The following CSGALNACT1 variants were observed in gnomAD, a reference collection of about 807,000 sequenced individuals.
CSGALNACT1 encodes the protein chondroitin sulfate N-acetylgalactosaminyltransferase 1.
Under a neutral mutation model 51.0 loss-of-function variants are expected in CSGALNACT1, and 52 were observed. The ratio of observed to expected loss-of-function variants is 1.02; its 90% CI spans 0.82 to 1.29. The LOEUF is 1.29. Among genes scored for constraint, CSGALNACT1 ranks in the 50% most tolerant of loss-of-function variants. CSGALNACT1 has a pLI of 0.00. For synonymous variants in CSGALNACT1, 341 were observed against 254.4 expected, an observed-to-expected ratio of 1.34 and a Z score of -3.24; for missense variants, 935 against 679.2, an observed-to-expected ratio of 1.38 and a Z score of -4.19.
chr8:19,532,665 C>T (rs2082996477), intron 3 of CSGALNACT1, among the ~76,000 whole-genome samples: 1 of 152,174 alleles, frequency 6.6e-6, no homozygotes, highest in African/African-American at 2.4e-5. Context: ...TTGGCTCCTA[C>T]CATATTCCAG....
At chr8:19,563,089 A>AT (rs1394902349) in intron 3 of CSGALNACT1, among the ~76,000 whole-genome samples, 1 of 152,226 alleles carries the variant, frequency 6.6e-6, no homozygotes, top group Non-Finnish European at 1.5e-5. Context: ...ATGGAATACT[A>AT]TGCAGCCATA....
At chr8:19,450,066 G>A (rs1438420838) in intron 5 of CSGALNACT1, among the ~76,000 whole-genome samples, 1 of 109,506 alleles carries the variant, frequency 9.1e-6, no homozygotes, top group African/African-American at 3.5e-5. Context: ...GAAGAAAGAA[G>A]AAAGAGGGGG....
intron 1 of CSGALNACT1, among the ~76,000 whole-genome samples, chr8:19,647,330 T>A (rs185858762): frequency 1.4e-4 from 22 of 152,270 alleles, no homozygotes; most frequent in African/African-American, 4.8e-4. Flanking sequence ...AGCAAGAAGA[T>A]CACTTGAGGT....
At chr8:19,451,014 G>A (rs2063097963) in intron 5 of CSGALNACT1, among the ~76,000 whole-genome samples, 1 of 152,142 alleles carries the variant, frequency 6.6e-6, no homozygotes, top group Non-Finnish European at 1.5e-5. Flanking sequence ...CTATCAAGGG[G>A]TGCAGTGGGG....
At chr8:19,554,644 G>A (rs2089228464) in intron 3 of CSGALNACT1, among the ~76,000 whole-genome samples, 1 of 113,700 alleles carries the variant, frequency 8.8e-6, no homozygotes, top group Non-Finnish European at 1.8e-5. Context: ...TAGGCTGGAT[G>A]CAGTGGCTCA....
chr8:19,487,976 GAC>G (rs78486125), intron 4 of CSGALNACT1, among the ~76,000 whole-genome samples: 4,646 of 152,132 alleles, frequency 0.031, 120 homozygotes, highest in East Asian at 0.12. Flanking sequence ...CCTCCCAAGA[GAC>G]ACCCTCTCAC....
chr8:19,562,990 C>G (rs931910688), intron 3 of CSGALNACT1, among the ~76,000 whole-genome samples: 1 of 152,146 alleles, frequency 6.6e-6, no homozygotes, highest in Non-Finnish European at 1.5e-5. Context: ...ATGTTCATTA[C>G]AGTACTATTC....
At chr8:19,636,388 A>G (rs1406144231) in intron 1 of CSGALNACT1, among the ~76,000 whole-genome samples, 3 of 152,196 alleles carry the variant, frequency 2.0e-5, no homozygotes, top group Non-Finnish European at 4.4e-5. Context: ...GCATCCAATG[A>G]GAATCTGGGA....
chr8:19,551,761 T>G (rs2088174663), intron 3 of CSGALNACT1, among the ~76,000 whole-genome samples: 1 of 152,196 alleles, frequency 6.6e-6, no homozygotes, highest in Admixed American at 6.5e-5. Flanking sequence ...CAAAAATTTG[T>G]TGACATTCTC....
intron 1 of CSGALNACT1, among the ~76,000 whole-genome samples, chr8:19,747,974 CA>C (rs2064785795): frequency 6.6e-6 from 1 of 152,126 alleles, no homozygotes; most frequent in Admixed American, 6.5e-5. Flanking sequence ...ACTTGGAGGT[CA>C]TAGGTATATC....
Position 19,480,574 on chromosome 8 carries a change from A to G in CSGALNACT1, c.635-21932T>C, listed in dbSNP as rs749564421. Among the ~76,000 whole-genome samples the G allele has an allele frequency of 2.0e-5, 3 of 152,150 alleles. No individual in the cohort carries two copies. In the East Asian group the frequency reaches 5.8e-4, roughly 29 times the overall value. On this transcript the variant is annotated intron_variant, in intron 4 of 9. Transcript: ENST00000454498. ...GCTGTTGTGAGTAGTGCTGCAATGAACATATGGGTGCCTGCGTCTTTACAA... is the reference window on the plus strand; with the variant it reads ...GCTGTTGTGAGTAGTGCTGCAATGAGCATATGGGTGCCTGCGTCTTTACAA...
chr8:19,752,817 A>ATAACATTTTATTGCTGC lies in CSGALNACT1; in HGVS notation c.-297+5032_-297+5033insGCAGCAATAAAATGTTA, dbSNP rs2065124174. 2.0e-5 allele frequency among the ~76,000 whole-genome samples: 3 copies of ATAACATTTTATTGCTGC among 152,234 alleles called. No homozygotes were observed. The South Asian group carries it at 6.2e-4, about 32-fold the overall frequency. On this transcript the variant is annotated intron_variant, in intron 1 of 1. Transcript: ENST00000517494. ...TGTTATGTTTTATGCATTGCCTAAA[A>ATAACATTTTATTGCTGC]ACAGCAATAAAAATTATCTGTGCAG...
intron 4 of CSGALNACT1, among the ~76,000 whole-genome samples, chr8:19,461,653 T>A (rs1432751895): frequency 7.1e-6 from 1 of 141,430 alleles, no homozygotes; most frequent in Non-Finnish European, 1.5e-5. Context: ...ACATTCACCA[T>A]GGGGGGCGTA....
chr8:19,614,581 A>C lies in CSGALNACT1; in HGVS notation c.-543-12716T>G, dbSNP rs144825190. Among the ~76,000 whole-genome samples, 662 of 152,306 alleles carry C rather than the reference A, an allele frequency of 4.3e-3. 4 individuals carry two copies. The highest frequency in any genetic ancestry group is 0.015 in the South Asian group (71 of 4,832). ...AACCATCACATGGATCAAGATAAAAAATTTTTTTTCATCAGCTTAGGATAT... is the reference window on the plus strand; with the variant it reads ...AACCATCACATGGATCAAGATAAAACATTTTTTTTCATCAGCTTAGGATAT... On this transcript the variant is annotated intron_variant, in intron 1 of 9. Transcript: ENST00000332246.
At chr8:19,562,756 T>C (rs868433190) in intron 3 of CSGALNACT1, among the ~76,000 whole-genome samples, 2 of 152,084 alleles carry the variant, frequency 1.3e-5, no homozygotes, top group Non-Finnish European at 2.9e-5. Flanking sequence ...GTCAGAATGG[T>C]GATTATTACA....
chr8:19,439,399 G>A (rs552556697), intron 6 of CSGALNACT1, among the ~76,000 whole-genome samples: 1 of 152,210 alleles, frequency 6.6e-6, no homozygotes, highest in Non-Finnish European at 1.5e-5. Context: ...TTTGCTAAGT[G>A]GATGAGATCT....
At chr8:19,413,395 C>T (rs1265050640) in intron 8 of CSGALNACT1, among the ~76,000 whole-genome samples, 2 of 152,180 alleles carry the variant, frequency 1.3e-5, no homozygotes, top group African/African-American at 2.4e-5. Context: ...AATTCCTCAT[C>T]TGTGAAATGA....
Position 19,453,033 on chromosome 8 carries a change from G to A in CSGALNACT1, c.851+5393C>T, listed in dbSNP as rs142304617. ...CAAACTATGTTCGAGCAAACAGAAG[G>A]CTGGGTAGTCCCCTGCACGTAATGA... On this transcript the variant is annotated intron_variant, in intron 5 of 9. Transcript: ENST00000454498. 2.4e-3 allele frequency among the ~76,000 whole-genome samples: 372 copies of A among 152,252 alleles called. 2 individuals carry two copies. Among genetic ancestry groups the A allele is most frequent in the Admixed American group, 3.8e-3 (58 of 15,288 alleles).
intron 4 of CSGALNACT1, among the ~76,000 whole-genome samples, chr8:19,496,246 C>T (rs1394971061): frequency 6.6e-6 from 1 of 152,108 alleles, no homozygotes; most frequent in African/African-American, 2.4e-5. Context: ...AAAAGAACGC[C>T]GTTTCTTTAA....
Sources: gnomAD v4.1 joint callset for allele counts (sites outside exome capture counted in the v4.1 genomes callset) on GRCh38, gnomAD v4.1.1 for gene constraint, MANE v1.5 for transcripts, NCBI Gene and HGNC (gene_info 2026-07-23, HGNC 2026-07-21) for gene names.